Variants in CENPW observed in about 807,000 individuals in gnomAD.
The protein encoded by CENPW is centromere protein W.
CENPW carries 3 observed loss-of-function variants against 11.1 expected under a neutral mutation model. The ratio of observed to expected loss-of-function variants is 0.27; its 90% CI spans 0.12 to 0.70. The LOEUF is 0.70. CENPW is among the 30% of genes least tolerant of loss of function. CENPW has a pLI of 0.77. For missense variants in CENPW, 100 were observed against 105.6 expected, an observed-to-expected ratio of 0.95 and a Z score of 0.23; for synonymous variants, 38 against 42.0, an observed-to-expected ratio of 0.91 and a Z score of 0.37.
chr6:126,472,045 G>T, the CENPW span, among the ~76,000 whole-genome samples: 895 of 152,198 alleles, frequency 5.9e-3, 7 homozygotes, highest in Non-Finnish European at 0.01. Flanking sequence ...TGCACAAAGG[G>T]AGATAATATG....
At chr6:126,455,457 A>G in the CENPW span, among the ~76,000 whole-genome samples, 1 of 151,642 alleles carries the variant, frequency 6.6e-6, no homozygotes, top group East Asian at 1.9e-4. Flanking sequence ...TAACAGAACT[A>G]AAACCAAAAA....
chr6:126,382,784 T>G, the CENPW span, among the ~76,000 whole-genome samples: 1 of 151,988 alleles, frequency 6.6e-6, no homozygotes, highest in African/African-American at 2.4e-5. Flanking sequence ...TATGGGATCA[T>G]GTAAAGAGAC....
chr6:126,395,472 C>T, the CENPW span, among the ~76,000 whole-genome samples: 1 of 152,156 alleles, frequency 6.6e-6, no homozygotes, highest in Non-Finnish European at 1.5e-5. Context: ...TGAGTTTCCT[C>T]AACACAAGTA....
chr6:126,401,121 T>C, the CENPW span, among the ~76,000 whole-genome samples: 1 of 152,154 alleles, frequency 6.6e-6, no homozygotes, highest in Non-Finnish European at 1.5e-5. Flanking sequence ...ATAGCCAGAA[T>C]CTTGTGTAAG....
the CENPW span, among the ~76,000 whole-genome samples, chr6:126,431,131 C>A: frequency 2.0e-5 from 3 of 152,186 alleles, no homozygotes; most frequent in East Asian, 5.8e-4. Flanking sequence ...CCTAAATATC[C>A]TTAGGACAGC....
the CENPW span, among the ~76,000 whole-genome samples, chr6:126,364,998 A>G: frequency 6.6e-6 from 1 of 152,208 alleles, no homozygotes; most frequent in Admixed American, 6.5e-5. Context: ...ATGCACATAA[A>G]CATGCTCAAA....
At chr6:126,425,925 A>G in the CENPW span, among the ~76,000 whole-genome samples, 4 of 151,962 alleles carry the variant, frequency 2.6e-5, no homozygotes, top group Non-Finnish European at 5.9e-5. Flanking sequence ...CCAAAATTTC[A>G]TTTACTGTAA....
the CENPW span, among the ~76,000 whole-genome samples, chr6:126,389,754 T>TA: frequency 6.6e-6 from 1 of 151,854 alleles, no homozygotes; most frequent in Non-Finnish European, 1.5e-5. Flanking sequence ...CCACTATATA[T>TA]ACATTATCTA....
At chr6:126,340,430 T>TG (rs769794204) in intron 1 of CENPW, 31 bp downstream of exon 1, 37 of 1,613,952 alleles carry the variant, frequency 2.3e-5, no homozygotes, top group South Asian at 8.8e-5. Flanking sequence ...GGGCTGGGAA[T>TG]GGGGCACGGG....
the CENPW span, among the ~76,000 whole-genome samples, chr6:126,376,456 G>A: frequency 6.6e-6 from 1 of 152,038 alleles, no homozygotes; most frequent in South Asian, 2.1e-4. Flanking sequence ...ATACGGAATT[G>A]TATTACAACA....
chr6:126,411,670 G>A, the CENPW span, among the ~76,000 whole-genome samples: 1 of 152,010 alleles, frequency 6.6e-6, no homozygotes, highest in Non-Finnish European at 1.5e-5. Context: ...GGGGTACAGG[G>A]CACAGCACTG....
At chr6:126,387,192 A>T in the CENPW span, among the ~76,000 whole-genome samples, 67 of 151,862 alleles carry the variant, frequency 4.4e-4, no homozygotes, top group African/African-American at 1.6e-3. Context: ...ACTCATCTTT[A>T]CCTTTATTGT....
intron 1 of CENPW, among the ~76,000 whole-genome samples, chr6:126,345,496 G>A (rs1253956331): frequency 2.0e-5 from 3 of 151,690 alleles, no homozygotes; most frequent in African/African-American, 7.3e-5. Flanking sequence ...AATAGTACAC[G>A]GTTTCCGTGT....
the CENPW span, among the ~76,000 whole-genome samples, chr6:126,360,048 T>A: frequency 1.3e-5 from 2 of 152,196 alleles, no homozygotes; most frequent in South Asian, 4.1e-4. Context: ...AAGTTTGATT[T>A]TGTGGTAGCA....
At chr6:126,342,552 C>T (rs1780334748) in intron 1 of CENPW, among the ~76,000 whole-genome samples, 1 of 152,018 alleles carries the variant, frequency 6.6e-6, no homozygotes, top group Non-Finnish European at 1.5e-5. Context: ...TTTTATGCTG[C>T]CTTTTGTACA....
At chr6:126,373,974 G>A in the CENPW span, among the ~76,000 whole-genome samples, 1 of 152,166 alleles carries the variant, frequency 6.6e-6, no homozygotes, top group African/African-American at 2.4e-5. Context: ...CTTAATTGCT[G>A]TGGGAGTTCT....
chr6:126,387,154 T>G, the CENPW span, among the ~76,000 whole-genome samples: 1 of 151,966 alleles, frequency 6.6e-6, no homozygotes, highest in Non-Finnish European at 1.5e-5. Flanking sequence ...TTCCAAGCCT[T>G]TCTACTTTTC....
the CENPW span, among the ~76,000 whole-genome samples, chr6:126,417,162 T>A: frequency 6.6e-6 from 1 of 152,300 alleles, no homozygotes; most frequent in Middle Eastern, 3.4e-3. Flanking sequence ...ATTTTGGAGC[T>A]TTAAGATTTG....
chr6:126,463,600 C>T, the CENPW span, among the ~76,000 whole-genome samples: 1 of 151,820 alleles, frequency 6.6e-6, no homozygotes, highest in African/African-American at 2.4e-5. Flanking sequence ...ACATAAATTA[C>T]TAATATCACG....
Sources: allele counts gnomAD v4.1 joint callset (sites outside exome capture counted in the v4.1 genomes callset), GRCh38; gene constraint gnomAD v4.1.1; transcripts MANE v1.5; gene names NCBI Gene and HGNC (gene_info 2026-07-23, HGNC 2026-07-21).